Variants in THADA observed in about 807,000 individuals in gnomAD.
THADA encodes the protein tRNA (32-2'-O)-methyltransferase regulator THADA.
THADA carries 213 observed loss-of-function variants against 219.8 expected under a neutral mutation model. That is an observed-to-expected ratio of 0.97 (90% CI 0.87 to 1.09). THADA has a LOEUF of 1.09. THADA is among the 50% of genes least tolerant of loss of function. The pLI, the probability that THADA is intolerant of heterozygous loss-of-function variation, is 0.00. For synonymous variants in THADA, 1,018 were observed against 828.9 expected, an observed-to-expected ratio of 1.23 and a Z score of -3.92; for missense variants, 2,956 against 2,311.3, an observed-to-expected ratio of 1.28 and a Z score of -5.72.
chr2:43,236,481 C>T (rs1572713509), intron 36 of THADA, among the ~76,000 whole-genome samples: 2 of 152,180 alleles, frequency 1.3e-5, no homozygotes, highest in Admixed American at 1.3e-4. Flanking sequence ...CTTAAGCATG[C>T]AGGCCAGCTA....
At position 43,586,371 on chromosome 2, in the gene THADA, C is replaced by T. The variant is rs372934700; in HGVS notation, c.533+30G>A. The T allele has an allele frequency of 1.4e-5, 21 of 1,538,984 alleles. 1 individual carries two copies. In the African/African-American group the frequency reaches 2.6e-4, roughly 19 times the overall value. ...AAGATAATGTACAACTGCAAGTGTG[C>T]ACACACAAATGCCAACATATAGCAC... On this transcript the variant is annotated intron_variant, in intron 7 of 37. Transcript: ENST00000405975.
At chr2:43,363,540 T>C (rs1669762587) in intron 29 of THADA, among the ~76,000 whole-genome samples, 1 of 152,230 alleles carries the variant, frequency 6.6e-6, no homozygotes, top group South Asian at 2.1e-4. Context: ...GCCTTTGAAG[T>C]GGCAGAAGAG....
chr2:43,440,343 G>A (rs1488089496), intron 26 of THADA, among the ~76,000 whole-genome samples: 1 of 152,002 alleles, frequency 6.6e-6, no homozygotes, highest in African/African-American at 2.4e-5. Flanking sequence ...AATCCCTAAT[G>A]ACAAGCCTTT....
At chr2:43,271,825 G>A (rs1299496472) in intron 36 of THADA, among the ~76,000 whole-genome samples, 2 of 152,066 alleles carry the variant, frequency 1.3e-5, no homozygotes, top group Non-Finnish European at 2.9e-5. Context: ...ATGTTGGCCA[G>A]GCTGGTCTCG....
intron 26 of THADA, among the ~76,000 whole-genome samples, chr2:43,481,526 T>TC (rs1686223300): frequency 1.3e-5 from 2 of 152,072 alleles, no homozygotes; most frequent in South Asian, 4.1e-4. Context: ...AAATACTACT[T>TC]CCCCCCAACA....
chr2:43,251,078 G>A (rs1010810674), intron 36 of THADA, among the ~76,000 whole-genome samples: 1 of 152,158 alleles, frequency 6.6e-6, no homozygotes, highest in Non-Finnish European at 1.5e-5. Context: ...AGCCTGAGAG[G>A]GGTGGTCTGC....
At position 43,508,688 on chromosome 2, in the gene THADA, CAG is replaced by C. The variant is rs759503218; in HGVS notation, c.3465_3466del (p.Ala1157TyrfsTer18). 14 of 1,613,694 alleles carry C rather than the reference CAG, an allele frequency of 8.7e-6. No homozygotes were observed. The highest frequency in any genetic ancestry group is 1.1e-5 in the Non-Finnish European group (13 of 1,179,708). On this transcript the variant is annotated frameshift_variant, in exon 23 of 38. Coordinates refer to ENST00000405975, the MANE Select transcript of THADA (RefSeq NM_022065.5). LOFTEE classifies it high-confidence loss of function. ...AATTCCAGCACTGCGCCTTGTAGCACAGAGTTTAGATGAAGGATCACTGCATT... is the reference window on the plus strand; with the variant it reads ...AATTCCAGCACTGCGCCTTGTAGCACAGTTTAGATGAAGGATCACTGCATT...
In THADA at chr2:43,468,395, C is replaced by A. The variant is rs1684515179; in HGVS notation, c.3836+16839G>T. On this transcript the variant is annotated intron_variant, in intron 26 of 37. Transcript: ENST00000405975. ...TGAAATCCGGTGGTGTTATTTGGATCTTTTTACCATTTTCTACTGAATAAC... is the reference window on the plus strand; with the variant it reads ...TGAAATCCGGTGGTGTTATTTGGATATTTTTACCATTTTCTACTGAATAAC... 2.6e-5 allele frequency among the ~76,000 whole-genome samples: 4 copies of A among 152,154 alleles called. No homozygotes were observed. The South Asian group carries it at 8.3e-4, about 31-fold the overall frequency.
intron 20 of THADA, among the ~76,000 whole-genome samples, chr2:43,541,630 T>A (rs1695333507): frequency 6.6e-6 from 1 of 152,004 alleles, no homozygotes; most frequent in Non-Finnish European, 1.5e-5. Context: ...TACTTCAGCC[T>A]CCCTAGTAGC....
intron 36 of THADA, among the ~76,000 whole-genome samples, chr2:43,274,783 C>T (rs1017419475): frequency 1.3e-5 from 2 of 151,964 alleles, no homozygotes; most frequent in African/African-American, 2.4e-5. Context: ...AAAAGAGCCA[C>T]AGCCGATCTG....
intron 30 of THADA, among the ~76,000 whole-genome samples, chr2:43,322,877 G>T (rs1280369301): frequency 6.6e-6 from 1 of 151,494 alleles, no homozygotes; most frequent in Non-Finnish European, 1.5e-5. Flanking sequence ...TATTAGAGAC[G>T]GGGTTTCACC....
intron 36 of THADA, among the ~76,000 whole-genome samples, chr2:43,256,386 G>C (rs181436574): frequency 2.0e-5 from 3 of 151,716 alleles, no homozygotes; most frequent in African/African-American, 7.3e-5. Flanking sequence ...CATTTGGATT[G>C]GGGATAGAAC....
rs1700519831 is a variant in THADA at position 43,582,047 on chromosome 2, A to G, written c.534-119T>C. ...CCCAAAATCAATTTTAAATTATGAT[A>G]ATTTATTCCTCTCTCTTCCATTCCT... On this transcript the variant is annotated intron_variant, in intron 7 of 37. Transcript: ENST00000405975. 1.4e-5 allele frequency: 10 copies of G among 709,676 alleles called. No individual in the cohort carries two copies. The South Asian group carries it at 2.3e-4, about 16-fold the overall frequency. The allele number at this position is 709,676 out of a possible 1,614,324, so 44.0% of individuals were successfully genotyped here.
At chr2:43,295,646 C>T (rs1354094562) in intron 31 of THADA, among the ~76,000 whole-genome samples, 1 of 152,214 alleles carries the variant, frequency 6.6e-6, no homozygotes, top group Non-Finnish European at 1.5e-5. Flanking sequence ...TATTTATCAT[C>T]TCATTATAAC....
intron 30 of THADA, among the ~76,000 whole-genome samples, chr2:43,331,118 T>C (rs528630004): frequency 1.3e-5 from 2 of 152,330 alleles, no homozygotes; most frequent in South Asian, 4.1e-4. Flanking sequence ...AAACCATCTC[T>C]ACTATTTTCA....
chr2:43,300,830 A>C lies in THADA; in HGVS notation c.4439-7617T>G, dbSNP rs553257593. ...CTGTTTGTGCAGCAACTCGGACTCA[A>C]GGAGATGCCCCGAAGGGCTTGTGAA... On this transcript the variant is annotated intron_variant, in intron 31 of 37. Coordinates refer to ENST00000405975, the MANE Select transcript of THADA (RefSeq NM_022065.5). Among the ~76,000 whole-genome samples the C allele has an allele frequency of 5.9e-5, 9 of 152,332 alleles. No individual in the cohort carries two copies. The South Asian group carries it at 1.9e-3, about 32-fold the overall frequency.
chr2:43,428,361 ACTTTGGGAGGCCG>A, intron 27 of THADA, 130 bp from the exon 28 acceptor site: 1 of 861,762 alleles, frequency 1.2e-6, no homozygotes, highest in Non-Finnish European at 1.7e-6. Context: ...TAATCCCAGC[ACTTTGGGAGGCCG>A]AGGCGGATGG....
At position 43,390,459 on chromosome 2, in the gene THADA, TAAGA is replaced by T. The variant is rs879703924; in HGVS notation, c.4227+7508_4227+7511del. ...CTACCCTTTACCTTTATTCAAAAAA[TAAGA>T]AAGTTTTCCCATGTCTTGTGATAGA... On this transcript the variant is annotated intron_variant, in intron 29 of 37. Transcript: ENST00000405975. 4.6e-5 allele frequency among the ~76,000 whole-genome samples: 7 copies of T among 152,258 alleles called. No individual in the cohort carries two copies. The East Asian group carries it at 1.3e-3, about 29-fold the overall frequency.
At chr2:43,553,001 T>G (rs1448686878) in intron 17 of THADA, among the ~76,000 whole-genome samples, 1 of 152,202 alleles carries the variant, frequency 6.6e-6, no homozygotes, top group African/African-American at 2.4e-5. Flanking sequence ...TATGCGATCT[T>G]TTGAAACTGG....
Sources: allele counts gnomAD v4.1 joint callset (sites outside exome capture counted in the v4.1 genomes callset), GRCh38; gene constraint gnomAD v4.1.1; transcripts MANE v1.5; gene names NCBI Gene and HGNC (gene_info 2026-07-23, HGNC 2026-07-21).